ARID1B: variants seen among roughly 807,000 people sequenced by gnomAD.
ARID1B encodes AT-rich interactive domain-containing protein 1B.
Under a neutral mutation model 212.3 loss-of-function variants are expected in ARID1B, and 30 were observed. The observed-to-expected ratio is 0.14, with a 90% confidence interval of 0.11 to 0.19. ARID1B has a LOEUF of 0.19. ARID1B is among the 10% of genes least tolerant of loss of function. ARID1B has a pLI of 1.00. For synonymous variants in ARID1B, 1,402 were observed against 1,301.7 expected (o/e 1.08, Z -1.66); for missense variants, 2,891 against 3,204.0 (o/e 0.90, Z 2.36).
At chr6:156,797,117 G>C (rs958259187) in intron 1 of ARID1B, among the ~76,000 whole-genome samples, 1 of 152,140 alleles carries the variant, frequency 6.6e-6, no homozygotes, top group East Asian at 1.9e-4. Flanking sequence ...AGCTGCTGCC[G>C]TCTACTCAGT....
chr6:156,954,200 GTTC>G (rs1340082161), intron 4 of ARID1B, among the ~76,000 whole-genome samples: 58 of 151,138 alleles, frequency 3.8e-4, no homozygotes, highest in African/African-American at 1.3e-3. Context: ...TAAAAATGAA[GTTC>G]TTTTTTTTTT....
At chr6:156,961,753 G>T (rs563186693) in intron 4 of ARID1B, among the ~76,000 whole-genome samples, 1 of 152,330 alleles carries the variant, frequency 6.6e-6, no homozygotes, top group South Asian at 2.1e-4. Context: ...ATGGGCACAC[G>T]GGGCTGGGAG....
rs1309774100 is a variant in ARID1B, at chr6:156,779,176, C to T, written c.1496C>T (p.Thr499Ile). 7.5e-7 allele frequency: 1 copy of T among 1,341,146 alleles called. No individual in the cohort carries two copies. Among genetic ancestry groups the T allele is most frequent in the East Asian group, 3.1e-5 (1 of 32,450 alleles). 83.1% of individuals were successfully genotyped at this position (1,341,146 alleles called of 1,614,324 possible). A position where few individuals can be genotyped will look rare whatever the true frequency, so the allele number is the denominator to read the frequency against. The change falls in exon 1 of 20, where the codon ACC (threonine) becomes ATC (isoleucine). Residue 499 changes from threonine (T) to isoleucine (I), a missense_variant. Physicochemically the swap from Thr to Ile is moderately conservative, Grantham distance 89. This residue lies in a region of ARID1B where 1,643 missense variants were observed against 1,544.0 expected (regional missense o/e 1.06). Transcript: ENST00000636930. ...AGQNQHPSGA[T>I]PTLNQLLTSP... ...CAGAACCAGCACCCGTCGGGGGCCA[C>T]CCCGACCCTCAATCAGCTGCTCACC...
At chr6:157,167,555 G>C (rs1315428351) in intron 9 of ARID1B, 1 of 169,312 alleles carries the variant, frequency 5.9e-6, no homozygotes. Flanking sequence ...TCACATTTCA[G>C]GGGAAATCGC....
intron 19 of ARID1B, chr6:157,204,225 A>G (rs1164599709): frequency 2.1e-6 from 1 of 473,982 alleles, no homozygotes; most frequent in African/African-American, 1.9e-5. Context: ...ATGAGAGAAC[A>G]GTGACTGTGT....
intron 4 of ARID1B, among the ~76,000 whole-genome samples, chr6:157,050,827 G>T (rs573672608): frequency 1.3e-5 from 2 of 152,116 alleles, no homozygotes; most frequent in Non-Finnish European, 2.9e-5. Context: ...AACATCGCAG[G>T]CACAATATTA....
At chr6:156,975,065 G>A (rs1387286058) in intron 4 of ARID1B, among the ~76,000 whole-genome samples, 3 of 152,180 alleles carry the variant, frequency 2.0e-5, no homozygotes, top group Non-Finnish European at 4.4e-5. Flanking sequence ...CTGGGGGTGT[G>A]TGATTTTTGT....
intron 4 of ARID1B, chr6:157,023,228 A>C (rs766914248): frequency 2.0e-5 from 3 of 152,226 alleles, no homozygotes; most frequent in Non-Finnish European, 4.4e-5. Flanking sequence ...GCTTCCTAAC[A>C]GGAAGAGCAA....
chr6:157,018,103 G>A (rs890916823), intron 4 of ARID1B, among the ~76,000 whole-genome samples: 8 of 151,714 alleles, frequency 5.3e-5, no homozygotes, highest in Admixed American at 5.3e-4. Context: ...TGGCATTCCA[G>A]CCTGGGCAAC....
chr6:157,086,923 C>T (rs1785002224), intron 5 of ARID1B, among the ~76,000 whole-genome samples: 1 of 152,204 alleles, frequency 6.6e-6, no homozygotes, highest in Admixed American at 6.5e-5. Flanking sequence ...GGACGGAGAG[C>T]ACAAGGATCT....
In ARID1B at chr6:157,090,571, G is replaced by C. The variant is rs528703204; in HGVS notation, c.2491+5666G>C. Among the ~76,000 whole-genome samples the C allele has an allele frequency of 3.9e-5, 6 of 152,326 alleles. No individual in the cohort carries two copies. In the South Asian group the frequency reaches 1.2e-3, roughly 32 times the overall value. ...TCATGGCTATTGTTCTTCTTGCTTGGTATTAGGTAAGACTAATCAAAGGCA... is the reference window on the plus strand; with the variant it reads ...TCATGGCTATTGTTCTTCTTGCTTGCTATTAGGTAAGACTAATCAAAGGCA... On this transcript the variant is annotated intron_variant, in intron 5 of 19. Transcript: ENST00000636930.
chr6:156,819,779 C>T (rs552329001), intron 1 of ARID1B, among the ~76,000 whole-genome samples: 49 of 152,300 alleles, frequency 3.2e-4, no homozygotes, highest in Middle Eastern at 3.4e-3. Context: ...CTGCCCGGGC[C>T]TGGAGTTCAG....
Position 157,080,878 on chromosome 6 carries a change from A to G in ARID1B, c.2248-3784A>G, listed in dbSNP as rs1784593113. ...ATGATTTTGGTTTTTGAAGGCAGGG[A>G]TTTTAAAAAATTAATCATCGATAGT... On this transcript the variant is annotated intron_variant, in intron 4 of 19. Transcript: ENST00000636930. Among the ~76,000 whole-genome samples the G allele has an allele frequency of 2.0e-5, 3 of 152,328 alleles. 1 individual carries two copies. The South Asian group carries it at 6.2e-4, about 32-fold the overall frequency.
chr6:157,195,451 C>T (rs994648918), intron 15 of ARID1B: 2 of 152,256 alleles, frequency 1.3e-5, no homozygotes, highest in Admixed American at 6.5e-5. Flanking sequence ...GACTTGCTTC[C>T]TCTCTAAGCT....
chr6:156,917,163 T>TA (rs1369982033), intron 3 of ARID1B, among the ~76,000 whole-genome samples: 5 of 152,320 alleles, frequency 3.3e-5, no homozygotes, highest in African/African-American at 7.2e-5. Context: ...TGGATCTTTT[T>TA]AAAAAACCTT....
intron 2 of ARID1B, among the ~76,000 whole-genome samples, chr6:156,861,058 C>T (rs9384506): frequency 0.28 from 41,901 of 151,888 alleles, 5,880 homozygotes; most frequent in Non-Finnish European, 0.31. Context: ...ACACTGTGGT[C>T]GTTAGTAGAG....
intron 1 of ARID1B, among the ~76,000 whole-genome samples, chr6:156,793,459 G>T (rs897279653): frequency 5.3e-5 from 8 of 152,060 alleles, no homozygotes; most frequent in Non-Finnish European, 1.0e-4. Context: ...GCTCAGCCTC[G>T]TGAGTATCTG....
intron 9 of ARID1B, among the ~76,000 whole-genome samples, chr6:157,171,806 A>G (rs1282715494): frequency 6.6e-6 from 1 of 152,258 alleles, no homozygotes; most frequent in East Asian, 1.9e-4. Context: ...TTTTCAAATC[A>G]GTGTAAATTG....
intron 5 of ARID1B, among the ~76,000 whole-genome samples, chr6:157,104,447 A>G (rs1178108674): frequency 6.6e-6 from 1 of 152,244 alleles, no homozygotes; most frequent in Non-Finnish European, 1.5e-5. Flanking sequence ...GGATGAGTGT[A>G]GGAGAAATAA....
Sources: allele counts gnomAD v4.1 joint callset (sites outside exome capture counted in the v4.1 genomes callset), GRCh38; gene constraint gnomAD v4.1.1; regional missense constraint gnomAD v4.1.1; transcripts MANE v1.5; gene names NCBI Gene and HGNC (gene_info 2026-07-23, HGNC 2026-07-21).